NMNAT3: variants seen among roughly 807,000 people sequenced by gnomAD.
NMNAT3 encodes the protein nicotinamide nucleotide adenylyltransferase 3.
NMNAT3 carries 21 observed loss-of-function variants against 24.8 expected under a neutral mutation model. That is an observed-to-expected ratio of 0.85 (90% CI 0.60 to 1.22). The LOEUF (loss-of-function observed/expected upper bound fraction) is 1.22, where lower values mean the gene tolerates loss of function less well. Among genes scored for constraint, NMNAT3 ranks in the 50% most tolerant of loss-of-function variants. The pLI, the probability that NMNAT3 is intolerant of heterozygous loss-of-function variation, is 0.00. For synonymous variants in NMNAT3, 136 were observed against 155.2 expected, an observed-to-expected ratio of 0.88 and a Z score of 0.92; for missense variants, 387 against 436.6, an observed-to-expected ratio of 0.89 and a Z score of 1.01.
chr3:139,573,720 C>T lies in NMNAT3; in HGVS notation c.576-40G>A, dbSNP rs779986883. 5 of 1,215,646 alleles carry T rather than the reference C, an allele frequency of 4.1e-6. No homozygotes were observed. The South Asian group carries it at 7.8e-5, about 19-fold the overall frequency. 75.3% of individuals were successfully genotyped at this position (1,215,646 alleles called of 1,614,324 possible). ...TATGGGCTCAGGGTATGTCTGTCCT[C>T]CAGCCCTCAAAGCCACCCAGGGATT... On this transcript the variant is annotated intron_variant, in intron 5 of 6. Coordinates refer to ENST00000643695, the MANE Select transcript of NMNAT3 (RefSeq NM_001320510.2).
chr3:139,588,464 A>G (rs1368482367), intron 3 of NMNAT3, among the ~76,000 whole-genome samples: 4 of 152,222 alleles, frequency 2.6e-5, no homozygotes, highest in Non-Finnish European at 5.9e-5. Flanking sequence ...AAAGGAGACA[A>G]TAGTTGGGAA....
intron 3 of NMNAT3, chr3:139,583,324 TG>T: frequency 1.4e-6 from 2 of 1,392,922 alleles, no homozygotes; most frequent in Non-Finnish European, 2.0e-6. Context: ...CAATCTTCAA[TG>T]GAAGTTTCAC....
At chr3:139,584,861 T>C (rs903773582) in intron 3 of NMNAT3, among the ~76,000 whole-genome samples, 7 of 152,202 alleles carry the variant, frequency 4.6e-5, no homozygotes, top group African/African-American at 1.7e-4. Context: ...TATGTTCTGA[T>C]TTTTTTGTCT....
intron 5 of NMNAT3, among the ~76,000 whole-genome samples, chr3:139,574,240 A>G (rs1362932216): frequency 6.6e-6 from 1 of 152,246 alleles, no homozygotes; most frequent in African/African-American, 2.4e-5. Flanking sequence ...GCTTGCAGCC[A>G]GATGGCCTGG....
At chr3:139,596,951 TATATATATATATA>T (rs1559891193) in intron 3 of NMNAT3, among the ~76,000 whole-genome samples, 1,917 of 114,542 alleles carry the variant, frequency 0.017, 78 homozygotes, top group African/African-American at 0.08. Context: ...TATATATATA[TATATATATATATA>T]TTTTTATTAC....
At chr3:139,599,737 G>A (rs1185114436) in intron 3 of NMNAT3, among the ~76,000 whole-genome samples, 1 of 152,124 alleles carries the variant, frequency 6.6e-6, no homozygotes, top group Non-Finnish European at 1.5e-5. Flanking sequence ...CTTATTTAAT[G>A]TTTTGCATCT....
Position 139,582,955 on chromosome 3 carries a change from G to C in NMNAT3, c.363C>G (p.Asn121Lys). 1 of 1,520,460 alleles carries C rather than the reference G, an allele frequency of 6.6e-7. No homozygotes were observed. Among genetic ancestry groups the C allele is most frequent in the Non-Finnish European group, 8.8e-7 (1 of 1,136,880 alleles). The allele number at this position is 1,520,460 out of a possible 1,614,324, so 94.2% of individuals were successfully genotyped here. A position where few individuals can be genotyped will look rare whatever the true frequency, so the allele number is the denominator to read the frequency against. The stretch of plus-strand genomic sequence containing the variant: ...GAAGTCGCTCATCAGTGAATATTTT[G>C]TTTGTTTGGTTCCAGGTGCTATCTA... The change falls in exon 4 of 7, where the codon AAC (asparagine) becomes AAG (lysine). Residue 121 changes from asparagine (N) to lysine (K), a missense_variant. By Grantham distance (94) the Asn-to-Lys change is moderately conservative. This residue lies in a region of NMNAT3 where 323 missense variants were observed against 345.2 expected (regional missense o/e 0.94). Coordinates refer to ENST00000643695, the MANE Select transcript of NMNAT3 (RefSeq NM_001320510.2).
At chr3:139,595,509 C>A (rs2054408318) in intron 3 of NMNAT3, among the ~76,000 whole-genome samples, 1 of 152,176 alleles carries the variant, frequency 6.6e-6, no homozygotes, top group Admixed American at 6.5e-5. Context: ...CGAAGTCAAT[C>A]CTAAGCCAAA....
chr3:139,657,067 A>C (rs561309093), intron 1 of NMNAT3, among the ~76,000 whole-genome samples: 1 of 152,088 alleles, frequency 6.6e-6, no homozygotes, highest in Non-Finnish European at 1.5e-5. Context: ...CTTCTTTCTG[A>C]TGGGGACACA....
intron 1 of NMNAT3, among the ~76,000 whole-genome samples, chr3:139,640,215 G>T (rs2056652747): frequency 1.3e-5 from 2 of 152,156 alleles, no homozygotes; most frequent in South Asian, 4.1e-4. Context: ...ACAGAAGGAG[G>T]TCACACAGAA....
intron 3 of NMNAT3, among the ~76,000 whole-genome samples, chr3:139,607,617 A>G (rs1265131490): frequency 6.6e-6 from 1 of 151,354 alleles, no homozygotes; most frequent in Non-Finnish European, 1.5e-5. Context: ...TTTGCATTTC[A>G]TCTTGGGTTC....
chr3:139,675,135 TACACACACACACAC>T (rs148834873), intron 1 of NMNAT3, among the ~76,000 whole-genome samples: 5 of 148,228 alleles, frequency 3.4e-5, no homozygotes, highest in African/African-American at 1.3e-4. Context: ...CTTTTAAACA[TACACACACACACAC>T]ACACACACAC....
chr3:139,585,515 G>A (rs2053902627), intron 3 of NMNAT3, among the ~76,000 whole-genome samples: 1 of 152,042 alleles, frequency 6.6e-6, no homozygotes, highest in South Asian at 2.1e-4. Context: ...TTTCTTTTGT[G>A]CCTAGTTATT....
intron 3 of NMNAT3, among the ~76,000 whole-genome samples, chr3:139,595,813 A>C (rs2054427160): frequency 6.6e-6 from 1 of 152,244 alleles, no homozygotes; most frequent in Non-Finnish European, 1.5e-5. Flanking sequence ...TATCAATTCA[A>C]GATGGATTAA....
At chr3:139,622,913 C>T (rs1180375677) in intron 3 of NMNAT3, among the ~76,000 whole-genome samples, 1 of 146,466 alleles carries the variant, frequency 6.8e-6, no homozygotes, top group Non-Finnish European at 1.5e-5. Flanking sequence ...AGCTGCAGGA[C>T]TGGAAGTTGC....
chr3:139,648,601 G>T (rs769565791), intron 1 of NMNAT3, among the ~76,000 whole-genome samples: 1 of 152,180 alleles, frequency 6.6e-6, no homozygotes, highest in Non-Finnish European at 1.5e-5. Flanking sequence ...GGGATGTGTA[G>T]GCATGTACAT....
chr3:139,604,128 T>A (rs944679088), intron 3 of NMNAT3, among the ~76,000 whole-genome samples: 20 of 152,320 alleles, frequency 1.3e-4, no homozygotes, highest in Middle Eastern at 3.4e-3. Context: ...CGACTGCATG[T>A]CAGCTAAACT....
At position 139,573,584 on chromosome 3, in the gene NMNAT3, G is replaced by T. The variant is rs1300310172; in HGVS notation, c.658+14C>A. On this transcript the variant is annotated intron_variant, in intron 6 of 6. Coordinates refer to ENST00000643695, the MANE Select transcript of NMNAT3 (RefSeq NM_001320510.2). ...ACATCTCATTCTCCTACAGACAAGA[G>T]GATCAGCACCCACCTGCAGGGGTCG... The T allele has an allele frequency of 7.9e-6, 12 of 1,519,746 alleles. No individual in the cohort carries two copies. The highest frequency in any genetic ancestry group is 1.7e-4 in the Middle Eastern group (1 of 5,736). 94.1% of individuals were successfully genotyped at this position (1,519,746 alleles called of 1,614,324 possible).
At chr3:139,661,342 A>G (rs944785350) in intron 1 of NMNAT3, among the ~76,000 whole-genome samples, 4 of 152,212 alleles carry the variant, frequency 2.6e-5, no homozygotes, top group Admixed American at 2.0e-4. Flanking sequence ...GTGACTTTAA[A>G]AAAAATTTTG....
Sources: allele counts gnomAD v4.1 joint callset (sites outside exome capture counted in the v4.1 genomes callset), GRCh38; gene constraint gnomAD v4.1.1; regional missense constraint gnomAD v4.1.1; transcripts MANE v1.5; gene names NCBI Gene and HGNC (gene_info 2026-07-23, HGNC 2026-07-21).